Variants in OSBPL6 observed in about 807,000 individuals in gnomAD.
The protein encoded by OSBPL6 is oxysterol binding protein like 6.
OSBPL6 carries 49 observed loss-of-function variants against 125.8 expected under a neutral mutation model. The ratio of observed to expected loss-of-function variants is 0.39; its 90% CI spans 0.31 to 0.49. The LOEUF is 0.49. Ranked by LOEUF, OSBPL6 falls within the 20% of genes least tolerant of loss-of-function variation. OSBPL6 has a pLI of 0.88. For synonymous variants in OSBPL6, 394 were observed against 391.8 expected, an observed-to-expected ratio of 1.01 and a Z score of -0.07; for missense variants, 986 against 1,135.4, an observed-to-expected ratio of 0.87 and a Z score of 1.89.
At chr2:178,321,015 G>A (rs1380102390) in intron 3 of OSBPL6, among the ~76,000 whole-genome samples, 2 of 152,122 alleles carry the variant, frequency 1.3e-5, no homozygotes, top group South Asian at 2.1e-4. Context: ...ACCGGGCGTG[G>A]TGGCACGCAC....
At chr2:178,301,352 A>G (rs1238258721) in intron 2 of OSBPL6, among the ~76,000 whole-genome samples, 1 of 152,208 alleles carries the variant, frequency 6.6e-6, no homozygotes, top group Non-Finnish European at 1.5e-5. Context: ...GAATGGTTAA[A>G]TGTATTGTGG....
chr2:178,236,744 A>T (rs1020151368), intron 1 of OSBPL6, among the ~76,000 whole-genome samples: 8 of 152,190 alleles, frequency 5.3e-5, no homozygotes, highest in African/African-American at 1.9e-4. Context: ...ACAGTCACTT[A>T]TAACATTGTC....
At chr2:178,202,518 C>T (rs1051391710) in intron 1 of OSBPL6, among the ~76,000 whole-genome samples, 3 of 151,936 alleles carry the variant, frequency 2.0e-5, no homozygotes, top group Non-Finnish European at 4.4e-5. Flanking sequence ...TTTTCTCTGG[C>T]TGCTTTAAGA....
At chr2:178,345,247 A>T (rs1165013385) in intron 11 of OSBPL6, among the ~76,000 whole-genome samples, 3 of 152,240 alleles carry the variant, frequency 2.0e-5, no homozygotes, top group African/African-American at 7.2e-5. Flanking sequence ...TCCTTAATTA[A>T]CAGCAGTCTT....
rs1267548240 is a variant in OSBPL6, at chr2:178,395,750, G to A, written c.*191G>A. The A allele has an allele frequency of 8.6e-6, 3 of 349,334 alleles. No homozygotes were observed. The highest frequency in any genetic ancestry group is 1.7e-4 in the East Asian group (2 of 11,752). 21.6% of individuals were successfully genotyped at this position (349,334 alleles called of 1,614,324 possible). ...CCCTAACCACTTTGGGATCCTTTCT[G>A]TTTTGCTGCAACCATATTCCTTAAA... On this transcript the variant is annotated 3_prime_UTR_variant, in exon 25 of 25. Transcript: ENST00000190611.
chr2:178,270,940 G>A (rs570888508), intron 1 of OSBPL6, among the ~76,000 whole-genome samples: 123 of 152,144 alleles, frequency 8.1e-4, no homozygotes, highest in Non-Finnish European at 1.6e-3. Flanking sequence ...GATAGGCTGA[G>A]TAACCTGCCC....
intron 1 of OSBPL6, among the ~76,000 whole-genome samples, chr2:178,284,201 T>C (rs1487156997): frequency 6.6e-6 from 1 of 152,146 alleles, no homozygotes; most frequent in Non-Finnish European, 1.5e-5. Flanking sequence ...TTTCAGGGCA[T>C]TAGAGATTGT....
chr2:178,304,108 C>A (rs941403997), intron 2 of OSBPL6, among the ~76,000 whole-genome samples: 1 of 152,138 alleles, frequency 6.6e-6, no homozygotes, highest in Non-Finnish European at 1.5e-5. Flanking sequence ...CAGGTTAGGG[C>A]CCTGTCTCTC....
intron 13 of OSBPL6, among the ~76,000 whole-genome samples, chr2:178,363,352 T>G (rs1692525746): frequency 6.6e-6 from 1 of 152,192 alleles, no homozygotes; most frequent in Non-Finnish European, 1.5e-5. Context: ...TTCATTGTAT[T>G]CCATTCGGGT....
intron 1 of OSBPL6, among the ~76,000 whole-genome samples, chr2:178,284,479 G>A (rs534179959): frequency 6.3e-4 from 96 of 151,372 alleles, no homozygotes; most frequent in African/African-American, 1.8e-3. Context: ...CTTGAACCCA[G>A]GAGGCAGAGG....
chr2:178,344,206 G>C, intron 11 of OSBPL6: 2 of 1,277,898 alleles, frequency 1.6e-6, no homozygotes, highest in South Asian at 2.4e-5. Context: ...CTCCTTGTCT[G>C]ATTATCTTTC....
chr2:178,208,254 C>T (rs1279515116), intron 1 of OSBPL6, among the ~76,000 whole-genome samples: 1 of 150,220 alleles, frequency 6.7e-6, no homozygotes, highest in African/African-American at 2.5e-5. Context: ...CCACTGCACT[C>T]CAGCCTGGGT....
At chr2:178,382,360 T>C (rs1694557611) in intron 15 of OSBPL6, 60 bp from the exon 16 acceptor site, 2 of 1,526,914 alleles carry the variant, frequency 1.3e-6, no homozygotes, top group South Asian at 2.6e-5. Context: ...ATCATTTGAT[T>C]ATCTGAGCTT....
intron 12 of OSBPL6, among the ~76,000 whole-genome samples, chr2:178,353,558 A>G (rs1202450013): frequency 6.6e-6 from 1 of 152,238 alleles, no homozygotes; most frequent in Admixed American, 6.5e-5. Context: ...AAAAGAGTGA[A>G]AAGAAATGAA....
intron 1 of OSBPL6, among the ~76,000 whole-genome samples, chr2:178,246,106 C>T (rs940240437): frequency 6.6e-6 from 1 of 152,174 alleles, no homozygotes; most frequent in Admixed American, 6.5e-5. Context: ...CTGCTCTCAC[C>T]TATCTCCACT....
chr2:178,337,010 T>C (rs1312776315), intron 9 of OSBPL6, among the ~76,000 whole-genome samples: 1 of 152,216 alleles, frequency 6.6e-6, no homozygotes, highest in East Asian at 1.9e-4. Context: ...TCTGAACCAA[T>C]ACCTGCTTCT....
At chr2:178,295,002 T>C (rs1685619037) in intron 2 of OSBPL6, among the ~76,000 whole-genome samples, 1 of 152,054 alleles carries the variant, frequency 6.6e-6, no homozygotes, top group Non-Finnish European at 1.5e-5. Flanking sequence ...TTCAGGTGGA[T>C]CTTAGCAATT....
chr2:178,400,568 T>G lies in OSBPL6; in HGVS notation c.*5009T>G, dbSNP rs1207279987. 6.6e-6 allele frequency: 1 copy of G among 152,244 alleles called. No homozygotes were observed. Among genetic ancestry groups the G allele is most frequent in the Non-Finnish European group, 1.5e-5 (1 of 68,068 alleles). 9.4% of individuals were successfully genotyped at this position (152,244 alleles called of 1,614,324 possible). ...CCCCAAAGTGCTGGGATTACAGGTGTGAGCAACCGCGCCTGGACTCAAGTT... is the reference window on the plus strand; with the variant it reads ...CCCCAAAGTGCTGGGATTACAGGTGGGAGCAACCGCGCCTGGACTCAAGTT... On this transcript the variant is annotated 3_prime_UTR_variant, in exon 25 of 25. Coordinates refer to ENST00000190611, the MANE Select transcript of OSBPL6 (RefSeq NM_032523.4).
At position 178,351,532 on chromosome 2, in the gene OSBPL6, A is replaced by G. The variant is rs1319375249; in HGVS notation, c.1153+2143A>G. Among the ~76,000 whole-genome samples, 3 of 152,242 alleles carry G rather than the reference A, an allele frequency of 2.0e-5. No homozygotes were observed. In the East Asian group the frequency reaches 5.8e-4, roughly 29 times the overall value. Reference sequence around the variant, plus strand: ...GAATAAACTTAAGCAAGGAGTTGAAAGACCTGTACACTGAGAACTATAAAA... The same window carrying G: ...GAATAAACTTAAGCAAGGAGTTGAAGGACCTGTACACTGAGAACTATAAAA... On this transcript the variant is annotated intron_variant, in intron 12 of 24. Transcript: ENST00000190611.
Sources: gnomAD v4.1 joint callset for allele counts (sites outside exome capture counted in the v4.1 genomes callset) on GRCh38, gnomAD v4.1.1 for gene constraint, MANE v1.5 for transcripts, NCBI Gene and HGNC (gene_info 2026-07-23, HGNC 2026-07-21) for gene names.